TSHZ2: variants seen among roughly 807,000 people sequenced by gnomAD.
TSHZ2 encodes teashirt zinc finger homeobox 2.
Under a neutral mutation model 74.4 loss-of-function variants are expected in TSHZ2, and 21 were observed. The observed-to-expected ratio is 0.28, with a 90% CI of 0.20 to 0.41. The LOEUF is 0.41. TSHZ2 is among the 10% of genes least tolerant of loss of function. The pLI, the probability that TSHZ2 is intolerant of heterozygous loss-of-function variation, is 1.00. For synonymous variants in TSHZ2, 540 were observed against 515.3 expected (o/e 1.05, Z -0.65); for missense variants, 1,244 against 1,293.5 (o/e 0.96, Z 0.59).
At position 53,483,940 on chromosome 20, in the gene TSHZ2, T is replaced by C. The variant is rs371076157; in HGVS notation, c.*9-3204T>C. Among the ~76,000 whole-genome samples, 11 of 152,364 alleles carry C rather than the reference T, an allele frequency of 7.2e-5. 3 individuals are homozygous for C. Among genetic ancestry groups the C allele is most frequent in the Admixed American group, 6.5e-5 (1 of 15,308 alleles). On this transcript the variant is annotated intron_variant, in intron 2 of 2. Coordinates refer to ENST00000371497, the MANE Select transcript of TSHZ2 (RefSeq NM_173485.6). ...TGAAATTGATATCATATTAATATCA[T>C]GGTCAAAGAGGAGAAAATGACAGCC...
At chr20:53,118,772 G>A (rs568581499) in intron 1 of TSHZ2, among the ~76,000 whole-genome samples, 10 of 152,282 alleles carry the variant, frequency 6.6e-5, no homozygotes, top group African/African-American at 2.2e-4. Flanking sequence ...AAGGCATCTT[G>A]GTGGGTGTAC....
intron 1 of TSHZ2, among the ~76,000 whole-genome samples, chr20:53,217,429 G>A (rs1044851141): frequency 5.9e-5 from 9 of 152,142 alleles, no homozygotes; most frequent in Non-Finnish European, 1.2e-4. Context: ...CTCACAAGCA[G>A]AAAGGGATAA....
intron 1 of TSHZ2, among the ~76,000 whole-genome samples, chr20:53,175,159 T>TTTTTTTA (rs1221311949): frequency 7.5e-6 from 1 of 134,102 alleles, no homozygotes; most frequent in Non-Finnish European, 1.6e-5. Context: ...TTTTTTTTTT[T>TTTTTTTA]CAACGGAGTT....
At chr20:53,310,432 G>A (rs1253787582) in intron 2 of TSHZ2, among the ~76,000 whole-genome samples, 3 of 152,154 alleles carry the variant, frequency 2.0e-5, no homozygotes, top group African/African-American at 7.2e-5. Context: ...CAAACTTAAT[G>A]GCTTTAAACA....
At chr20:53,281,411 G>C (rs563713306) in intron 2 of TSHZ2, among the ~76,000 whole-genome samples, 39 of 152,224 alleles carry the variant, frequency 2.6e-4, no homozygotes, top group Non-Finnish European at 4.4e-4. Context: ...CAAAAGGCCA[G>C]ATAGTAAATG....
intron 1 of TSHZ2, among the ~76,000 whole-genome samples, chr20:53,231,474 C>T (rs1045339341): frequency 6.6e-6 from 1 of 152,256 alleles, no homozygotes. Context: ...CCCTGGAAGC[C>T]ACTGAACCCA....
At chr20:53,371,666 A>T (rs1981475974) in intron 2 of TSHZ2, among the ~76,000 whole-genome samples, 1 of 152,180 alleles carries the variant, frequency 6.6e-6, no homozygotes, top group South Asian at 2.1e-4. Context: ...ACTTGAGACC[A>T]GGAGTTTCAG....
intron 1 of TSHZ2, among the ~76,000 whole-genome samples, chr20:53,063,997 C>T (rs1984899971): frequency 6.6e-6 from 1 of 152,034 alleles, no homozygotes; most frequent in Non-Finnish European, 1.5e-5. Flanking sequence ...AGCGATGCAG[C>T]AAATTACTAT....
chr20:53,480,583 G>T (rs897285213), intron 2 of TSHZ2, among the ~76,000 whole-genome samples: 17 of 147,782 alleles, frequency 1.2e-4, no homozygotes, highest in South Asian at 4.3e-4. Flanking sequence ...AAAAAAAAAA[G>T]AAAAAAATAA....
At chr20:53,204,511 A>G (rs529810517) in intron 1 of TSHZ2, among the ~76,000 whole-genome samples, 7 of 151,844 alleles carry the variant, frequency 4.6e-5, no homozygotes, top group Non-Finnish European at 8.8e-5. Flanking sequence ...TTTCTTTCTC[A>G]TTCTTTAATG....
intron 2 of TSHZ2, among the ~76,000 whole-genome samples, chr20:53,304,744 G>C (rs1568860383): frequency 6.6e-6 from 1 of 152,054 alleles, no homozygotes. Context: ...TGATTCTCCT[G>C]CCTCAGCCTC....
At chr20:53,015,778 A>G (rs1203950661) in intron 1 of TSHZ2, among the ~76,000 whole-genome samples, 1 of 152,132 alleles carries the variant, frequency 6.6e-6, no homozygotes, top group Non-Finnish European at 1.5e-5. Context: ...ACCGGTGATC[A>G]TGCTGCTGGG....
At chr20:53,174,463 A>G (rs1248814187) in intron 1 of TSHZ2, among the ~76,000 whole-genome samples, 1 of 152,186 alleles carries the variant, frequency 6.6e-6, no homozygotes, top group East Asian at 1.9e-4. Flanking sequence ...ATTTTTAATT[A>G]AATTGGGGCC....
intron 1 of TSHZ2, among the ~76,000 whole-genome samples, chr20:53,118,884 C>T (rs574330526): frequency 3.9e-5 from 6 of 152,206 alleles, no homozygotes; most frequent in East Asian, 3.9e-4. Flanking sequence ...ATGCTGGCAT[C>T]GGCTCAAGAA....
chr20:53,372,295 G>A (rs1464233284), intron 2 of TSHZ2, among the ~76,000 whole-genome samples: 1 of 151,978 alleles, frequency 6.6e-6, no homozygotes, highest in Non-Finnish European at 1.5e-5. Flanking sequence ...GGCCAACATG[G>A]TGAAACCCCA....
chr20:53,435,283 G>A (rs1044910072), intron 2 of TSHZ2, among the ~76,000 whole-genome samples: 1 of 152,210 alleles, frequency 6.6e-6, no homozygotes, highest in Non-Finnish European at 1.5e-5. Flanking sequence ...AGACAAGCAA[G>A]ACCATCAGGA....
intron 1 of TSHZ2, among the ~76,000 whole-genome samples, chr20:53,174,161 A>C (rs978030484): frequency 1.1e-4 from 17 of 152,326 alleles, no homozygotes; most frequent in African/African-American, 4.1e-4. Context: ...GAGAGATGTC[A>C]AATGGGCTAG....
intron 1 of TSHZ2, among the ~76,000 whole-genome samples, chr20:53,242,993 G>A (rs540475928): frequency 6.6e-6 from 1 of 152,206 alleles, no homozygotes; most frequent in East Asian, 1.9e-4. Context: ...ATTGCAAACT[G>A]AAATAAGGTA....
rs555504195 is a variant in TSHZ2, at chr20:53,020,571, A to G, written c.40+47238A>G. Reference sequence around the variant, plus strand: ...CCCATAAAGAGGTCTTGGCTCTTGAAATACTGGTCACATTCCAATTAAACA... The same window carrying G: ...CCCATAAAGAGGTCTTGGCTCTTGAGATACTGGTCACATTCCAATTAAACA... On this transcript the variant is annotated intron_variant, in intron 1 of 2. Coordinates refer to ENST00000371497, the MANE Select transcript of TSHZ2 (RefSeq NM_173485.6). Among the ~76,000 whole-genome samples, 4 of 152,290 alleles carry G rather than the reference A, an allele frequency of 2.6e-5. No individual in the cohort carries two copies. The South Asian group carries it at 8.3e-4, about 32-fold the overall frequency.
Sources: gnomAD v4.1 joint callset for allele counts (sites outside exome capture counted in the v4.1 genomes callset) on GRCh38, gnomAD v4.1.1 for gene constraint, MANE v1.5 for transcripts, NCBI Gene and HGNC (gene_info 2026-07-23, HGNC 2026-07-21) for gene names.